BMAL1: variants seen among roughly 807,000 people sequenced by gnomAD.
The protein encoded by BMAL1 is basic helix-loop-helix ARNT-like protein 1.
At chr11:13,344,008 G>A in the BMAL1 span, among the ~76,000 whole-genome samples, 3 of 152,244 alleles carry the variant, frequency 2.0e-5, no homozygotes, top group Middle Eastern at 6.8e-3. Context: ...GGGTACCCAA[G>A]GGCCACAAAT....
chr11:13,378,816 CCTTTA>C, the BMAL1 span: 15 of 217,906 alleles, frequency 6.9e-5, no homozygotes, highest in African/African-American at 2.1e-4. Context: ...GATAGATGTA[CCTTTA>C]CTTTACAGGA....
At chr11:13,333,005 C>T in the BMAL1 span, among the ~76,000 whole-genome samples, 2 of 150,156 alleles carry the variant, frequency 1.3e-5, no homozygotes, top group Non-Finnish European at 2.9e-5. Flanking sequence ...CTCAGTCTGT[C>T]GCCCAGGCTG....
the BMAL1 span, among the ~76,000 whole-genome samples, chr11:13,308,871 G>A: frequency 5.7e-3 from 870 of 152,234 alleles, 4 homozygotes; most frequent in Non-Finnish European, 9.9e-3. Flanking sequence ...TCATTCATTT[G>A]TGTGTTCATT....
At chr11:13,356,381 G>A in the BMAL1 span, 6 of 511,280 alleles carry the variant, frequency 1.2e-5, no homozygotes, top group East Asian at 1.1e-4. Context: ...ATGATGGGGG[G>A]GGAGAATGAG....
At chr11:13,386,561 A>C in the BMAL1 span, 2 of 1,511,786 alleles carry the variant, frequency 1.3e-6, no homozygotes, top group African/African-American at 1.4e-5. Context: ...GCTTTAAAAA[A>C]GAAATCACTG....
the BMAL1 span, among the ~76,000 whole-genome samples, chr11:13,348,857 AT>A: frequency 1.1e-4 from 17 of 152,226 alleles, no homozygotes; most frequent in African/African-American, 4.1e-4. Context: ...GGAGATCTCT[AT>A]AGCGATCGAG....
the BMAL1 span, among the ~76,000 whole-genome samples, chr11:13,283,867 C>T: frequency 1.4e-4 from 22 of 152,088 alleles, 1 homozygote; most frequent in African/African-American, 4.8e-4. Context: ...TGCTCTGACC[C>T]AGGCCCCCTG....
the BMAL1 span, among the ~76,000 whole-genome samples, chr11:13,385,510 G>A: frequency 1.7e-4 from 26 of 152,140 alleles, no homozygotes; most frequent in African/African-American, 4.3e-4. Flanking sequence ...AGAATAGTTC[G>A]GGGGAGAGGT....
the BMAL1 span, among the ~76,000 whole-genome samples, chr11:13,302,022 C>T: frequency 3.9e-5 from 6 of 152,072 alleles, no homozygotes; most frequent in African/African-American, 1.4e-4. Context: ...TGGACAGATG[C>T]CGTATGTTTA....
chr11:13,354,534 ATCCT>A, the BMAL1 span: 11 of 1,518,858 alleles, frequency 7.2e-6, no homozygotes, highest in Admixed American at 2.2e-5. Context: ...CTACTGTTTC[ATCCT>A]GGAAAAGGGG....
chr11:13,372,077 T>G, the BMAL1 span: 1 of 1,549,530 alleles, frequency 6.5e-7, no homozygotes, highest in East Asian at 2.3e-5. Context: ...TTTGACTCCC[T>G]ACCTACATCC....
the BMAL1 span, among the ~76,000 whole-genome samples, chr11:13,282,563 G>A: frequency 7.2e-5 from 11 of 152,188 alleles, no homozygotes; most frequent in African/African-American, 2.7e-4. Context: ...CCTTGGCCCA[G>A]TCCATCCCTC....
At chr11:13,361,133 G>C in the BMAL1 span, among the ~76,000 whole-genome samples, 1 of 151,974 alleles carries the variant, frequency 6.6e-6, no homozygotes, top group Non-Finnish European at 1.5e-5. Context: ...AAAGACTAGT[G>C]GTCCAAAAAA....
chr11:13,303,223 T>A, the BMAL1 span, among the ~76,000 whole-genome samples: 1 of 152,192 alleles, frequency 6.6e-6, no homozygotes, highest in African/African-American at 2.4e-5. Flanking sequence ...TTAGACTCCA[T>A]GTGCTCCATT....
chr11:13,292,184 A>G, the BMAL1 span, among the ~76,000 whole-genome samples: 1 of 151,842 alleles, frequency 6.6e-6, no homozygotes, highest in Non-Finnish European at 1.5e-5. Flanking sequence ...GATCCTGGTA[A>G]TCTCATATTT....
chr11:13,355,007 TTGAG>T, the BMAL1 span: 9 of 395,646 alleles, frequency 2.3e-5, no homozygotes, highest in Admixed American at 3.8e-5. Context: ...GACTTTTCGT[TTGAG>T]TAAGTAAATT....
At chr11:13,357,778 C>T in the BMAL1 span, among the ~76,000 whole-genome samples, 3 of 152,336 alleles carry the variant, frequency 2.0e-5, no homozygotes, top group Non-Finnish European at 4.4e-5. The surrounding 1 kb of genome is among the most constrained non-coding windows in gnomAD (Gnocchi z 4.8). Context: ...ATCGTTGCTG[C>T]ACCTCCTTAG....
chr11:13,383,752 G>A, the BMAL1 span, among the ~76,000 whole-genome samples: 5 of 152,250 alleles, frequency 3.3e-5, no homozygotes, highest in East Asian at 9.7e-4. Context: ...TCCGGGGACT[G>A]AGGTGGGAGA....
chr11:13,323,495 TC>T, the BMAL1 span, among the ~76,000 whole-genome samples: 422 of 7,148 alleles, frequency 0.059, 3 homozygotes, highest in African/African-American at 0.097. Flanking sequence ...TGTTATGAGG[TC>T]CCCATCATTT....
Sources: allele counts gnomAD v4.1 joint callset (sites outside exome capture counted in the v4.1 genomes callset), GRCh38; gene constraint gnomAD v4.1.1; non-coding constraint Gnocchi (gnomAD v3.1); transcripts MANE v1.5; gene names NCBI Gene and HGNC (gene_info 2026-07-23, HGNC 2026-07-21).